The following CSMD1 variants were observed in gnomAD, a reference collection of about 807,000 sequenced individuals.
The protein encoded by CSMD1 is CUB and Sushi multiple domains 1.
A neutral mutation model predicts 417.5 loss-of-function variants in CSMD1; 213 were observed. That is an observed-to-expected ratio of 0.51 (90% CI 0.46 to 0.57). The LOEUF (loss-of-function observed/expected upper bound fraction) is 0.57. Ranked by LOEUF, CSMD1 falls within the 20% of genes least tolerant of loss-of-function variation. CSMD1 has a pLI of 0.00. For missense variants in CSMD1, 6,923 were observed against 4,529.7 expected (o/e 1.53, Z -15.17); for synonymous variants, 2,862 against 1,736.8 (o/e 1.65, Z -16.11).
At position 3,252,023 on chromosome 8, in the gene CSMD1, G is replaced by C. The variant is rs576153589; in HGVS notation, c.4154-21792C>G. 5.3e-5 allele frequency among the ~76,000 whole-genome samples: 8 copies of C among 152,282 alleles called. No individual in the cohort carries two copies. The East Asian group carries it at 1.5e-3, about 29-fold the overall frequency. On this transcript the variant is annotated intron_variant, in intron 26 of 69. Transcript: ENST00000635120. ...TGTCATCTGCAAACAGGGACAATTT[G>C]ACTTCCTCTTTTCCTAATTGAATAC... is the stretch of plus-strand genomic sequence containing the variant.
intron 1 of CSMD1, among the ~76,000 whole-genome samples, chr8:4,681,526 C>G (rs971676991): frequency 1.3e-5 from 2 of 152,150 alleles, no homozygotes; most frequent in Admixed American, 6.5e-5. Flanking sequence ...CAAGATCTTT[C>G]CTTTGTTGTT....
intron 3 of CSMD1, among the ~76,000 whole-genome samples, chr8:4,200,497 G>A (rs956501582): frequency 1.3e-5 from 2 of 152,184 alleles, no homozygotes; most frequent in East Asian, 1.9e-4. Flanking sequence ...TAATCACTTA[G>A]GTAAAAAATG....
chr8:3,615,540 C>G (rs2117162105), intron 8 of CSMD1, among the ~76,000 whole-genome samples: 1 of 152,288 alleles, frequency 6.6e-6, no homozygotes. Context: ...ACTATTTCTT[C>G]ACATCTATAC....
chr8:3,745,363 G>T (rs1439165850), intron 6 of CSMD1, among the ~76,000 whole-genome samples: 1 of 152,240 alleles, frequency 6.6e-6, no homozygotes, highest in South Asian at 2.1e-4. Flanking sequence ...CACTGAGACT[G>T]AGCTGACCAG....
At chr8:3,641,241 T>G (rs1429086549) in intron 7 of CSMD1, among the ~76,000 whole-genome samples, 2 of 152,026 alleles carry the variant, frequency 1.3e-5, no homozygotes, top group African/African-American at 4.8e-5. Context: ...TCTCTGTGAC[T>G]CATGGGTCCC....
chr8:3,916,280 G>A (rs1410415252), intron 5 of CSMD1, among the ~76,000 whole-genome samples: 1 of 152,130 alleles, frequency 6.6e-6, no homozygotes, highest in African/African-American at 2.4e-5. Flanking sequence ...AGCTTTTGTG[G>A]AAAGTCTCAT....
intron 5 of CSMD1, among the ~76,000 whole-genome samples, chr8:3,796,697 G>C (rs1405244106): frequency 6.6e-6 from 1 of 150,524 alleles, no homozygotes; most frequent in Non-Finnish European, 1.5e-5. Flanking sequence ...GGTTAGAAAA[G>C]ATGAGAATGG....
chr8:3,502,461 C>T (rs1054910648), intron 10 of CSMD1, among the ~76,000 whole-genome samples: 50 of 151,600 alleles, frequency 3.3e-4, no homozygotes, highest in African/African-American at 1.1e-3. Flanking sequence ...TAGGAAGCAA[C>T]CAATATGTCC....
chr8:4,402,800 CTTTTTTTT>C (rs60965667), intron 3 of CSMD1, among the ~76,000 whole-genome samples: 8 of 89,370 alleles, frequency 9.0e-5, no homozygotes, highest in South Asian at 3.7e-4. Flanking sequence ...TCACTTTTTT[CTTTTTTTT>C]TTTTTTTTTT....
At chr8:3,391,722 C>A (rs181183906) in intron 17 of CSMD1, among the ~76,000 whole-genome samples, 1 of 152,146 alleles carries the variant, frequency 6.6e-6, no homozygotes, top group Non-Finnish European at 1.5e-5. Context: ...CTCACATTGC[C>A]TTGTAGCACC....
intron 3 of CSMD1, among the ~76,000 whole-genome samples, chr8:4,361,856 A>T (rs922883993): frequency 1.3e-5 from 2 of 152,022 alleles, no homozygotes; most frequent in African/African-American, 4.8e-5. Flanking sequence ...TTGGGAGGCT[A>T]AGGCAGAAGA....
chr8:4,690,540 T>C (rs1806700317), intron 1 of CSMD1, among the ~76,000 whole-genome samples: 1 of 152,206 alleles, frequency 6.6e-6, no homozygotes, highest in East Asian at 1.9e-4. Flanking sequence ...CTATCTGTCA[T>C]GACACATCGC....
At chr8:3,114,056 A>G (rs1226407350) in intron 42 of CSMD1, among the ~76,000 whole-genome samples, 4 of 68,514 alleles carry the variant, frequency 5.8e-5, no homozygotes, top group Non-Finnish European at 1.7e-4. Context: ...CATCTATTAA[A>G]ACAAACAAAC....
chr8:4,493,163 A>G (rs1225825556), intron 2 of CSMD1, among the ~76,000 whole-genome samples: 2 of 152,182 alleles, frequency 1.3e-5, no homozygotes, highest in Non-Finnish European at 2.9e-5. Flanking sequence ...AAAGGCAGCA[A>G]TAGTATTCTT....
At chr8:3,115,059 A>G (rs1482243194) in intron 42 of CSMD1, among the ~76,000 whole-genome samples, 1 of 152,204 alleles carries the variant, frequency 6.6e-6, no homozygotes, top group Non-Finnish European at 1.5e-5. Flanking sequence ...TTCAGTGTTA[A>G]ATGATTAATT....
At chr8:3,784,924 T>G (rs1457439718) in intron 5 of CSMD1, among the ~76,000 whole-genome samples, 1 of 152,204 alleles carries the variant, frequency 6.6e-6, no homozygotes, top group East Asian at 1.9e-4. Context: ...TCAAAACAAG[T>G]TTCCTGTTGA....
chr8:4,248,461 AG>A lies in CSMD1; in HGVS notation c.415+171491del, dbSNP rs1352890521. ...CATAAGATCCTAATTAAAAGTAAAA[AG>A]GTCAGTCGTTACTTACGAATACTTT... On this transcript the variant is annotated intron_variant, in intron 3 of 69. Coordinates refer to ENST00000635120, the MANE Select transcript of CSMD1 (RefSeq NM_033225.6). 5.3e-5 allele frequency among the ~76,000 whole-genome samples: 8 copies of A among 152,278 alleles called. No individual in the cohort carries two copies. The East Asian group carries it at 1.5e-3, about 29-fold the overall frequency.
intron 25 of CSMD1, among the ~76,000 whole-genome samples, chr8:3,305,171 C>G (rs181034365): frequency 1.3e-5 from 2 of 152,174 alleles, no homozygotes; most frequent in South Asian, 4.1e-4. Context: ...AGGTGTGAGC[C>G]GCTATGCCTG....
At chr8:3,644,847 C>T (rs1028301390) in intron 7 of CSMD1, among the ~76,000 whole-genome samples, 12 of 151,392 alleles carry the variant, frequency 7.9e-5, no homozygotes, top group African/African-American at 2.2e-4. Context: ...TGGTAACCTT[C>T]GTTTCCTAAG....
Sources: allele counts gnomAD v4.1 joint callset (sites outside exome capture counted in the v4.1 genomes callset), GRCh38; gene constraint gnomAD v4.1.1; transcripts MANE v1.5; gene names NCBI Gene and HGNC (gene_info 2026-07-23, HGNC 2026-07-21).